Variants in SYTL5 observed in about 807,000 individuals in gnomAD.
The protein encoded by SYTL5 is synaptotagmin like 5.
In SYTL5, 34 loss-of-function variants were observed where a neutral mutation model predicts 55.9. The observed-to-expected ratio is 0.61, with a 90% CI of 0.46 to 0.81. The LOEUF (loss-of-function observed/expected upper bound fraction) is 0.81. Among genes scored for constraint, SYTL5 ranks in the 30% least tolerant of loss-of-function variants. SYTL5 has a pLI of 0.00. For missense variants in SYTL5, 637 were observed against 546.7 expected (o/e 1.17, Z -1.65); for synonymous variants, 221 against 188.7 (o/e 1.17, Z -1.40).
At chrX:38,107,043 G>A (rs751137688) in intron 11 of SYTL5, among the ~76,000 whole-genome samples, 65 of 112,560 alleles carry the variant, frequency 5.8e-4, no homozygotes, top group Non-Finnish European at 9.9e-4. Context: ...ATGCTGACAT[G>A]TTGGCACACC....
At chrX:37,993,678 G>C in the SYTL5 span, among the ~76,000 whole-genome samples, 1 of 112,139 alleles carries the variant, frequency 8.9e-6, no homozygotes, top group Non-Finnish European at 1.9e-5. Context: ...GCAAAATTGG[G>C]AGCAAGGCAG....
chrX:37,937,045 CTCA>C, the SYTL5 span, among the ~76,000 whole-genome samples: 4 of 33,471 alleles, frequency 1.2e-4, no homozygotes, highest in Admixed American at 2.2e-3. Flanking sequence ...GCAAGACTGT[CTCA>C]AAAAAAAAAA....
chrX:37,973,293 T>C, the SYTL5 span, among the ~76,000 whole-genome samples: 1 of 111,113 alleles, frequency 9.0e-6, no homozygotes, highest in South Asian at 3.8e-4. Context: ...GGTAGGAATT[T>C]GGGTAAGAAA....
chrX:38,082,030 A>C (rs1936543246), intron 6 of SYTL5, among the ~76,000 whole-genome samples: 1 of 111,904 alleles, frequency 8.9e-6, no homozygotes, highest in South Asian at 3.8e-4. Flanking sequence ...TCAAAGACGC[A>C]GTTTGTCAGA....
chrX:37,958,512 A>G, the SYTL5 span, among the ~76,000 whole-genome samples: 2 of 111,324 alleles, frequency 1.8e-5, no homozygotes, highest in African/African-American at 6.5e-5. Context: ...GGATTTGGGG[A>G]TTAAGTTTCC....
At chrX:37,904,437 T>C in the SYTL5 span, among the ~76,000 whole-genome samples, 1 of 108,398 alleles carries the variant, frequency 9.2e-6, no homozygotes, top group Non-Finnish European at 1.9e-5. Flanking sequence ...AAAATAGAGG[T>C]AGAAAAACTG....
rs775768200 is a variant in SYTL5, at chrX:38,114,920, A to G, written c.1596+4438A>G. Among the ~76,000 whole-genome samples the G allele has an allele frequency of 3.0e-3, 336 of 111,530 alleles. 1 individual carries two copies. Among genetic ancestry groups the G allele is most frequent in the Non-Finnish European group, 5.1e-3 (269 of 53,131 alleles). ...TTTTAGATTCCACTATTTTAGATTT[A>G]TATCTATTTTAGATATAAGTGAGGT... On this transcript the variant is annotated intron_variant, in intron 13 of 16. Transcript: ENST00000297875.
intron 3 of SYTL5, among the ~76,000 whole-genome samples, chrX:38,064,067 ATGTG>A (rs10593206): frequency 2.3e-4 from 23 of 100,009 alleles, no homozygotes; most frequent in African/African-American, 4.2e-4. Flanking sequence ...ACATATATAT[ATGTG>A]TGTGTGTGTG....
chrX:38,082,822 G>A (rs1233901735), intron 6 of SYTL5, among the ~76,000 whole-genome samples: 1 of 111,844 alleles, frequency 8.9e-6, no homozygotes, highest in Admixed American at 9.5e-5. Flanking sequence ...TAGACATAAA[G>A]TAGACTGTGT....
chrX:37,972,738 C>A, the SYTL5 span, among the ~76,000 whole-genome samples: 1 of 111,657 alleles, frequency 9.0e-6, no homozygotes, highest in Non-Finnish European at 1.9e-5. Context: ...AGACATCAGT[C>A]AAATACATTT....
At chrX:38,100,620 G>GA (rs760172498) in intron 9 of SYTL5, among the ~76,000 whole-genome samples, 4 of 111,136 alleles carry the variant, frequency 3.6e-5, no homozygotes, top group African/African-American at 1.3e-4. Context: ...TGGCAAAAAT[G>GA]AAAAAAATAT....
the SYTL5 span, among the ~76,000 whole-genome samples, chrX:37,926,396 C>A: frequency 3.6e-5 from 4 of 109,617 alleles, no homozygotes; most frequent in Non-Finnish European, 5.7e-5. Flanking sequence ...TACTGGCTGA[C>A]CCCCCTCCCC....
the SYTL5 span, among the ~76,000 whole-genome samples, chrX:37,964,284 C>A: frequency 8.9e-6 from 1 of 111,972 alleles, no homozygotes; most frequent in Non-Finnish European, 1.9e-5. Flanking sequence ...TCTTGAATTT[C>A]TCACCCTCTA....
At chrX:38,120,634 A>G (rs966666629) in intron 14 of SYTL5, among the ~76,000 whole-genome samples, 168 bp downstream of exon 14, 3 of 111,260 alleles carry the variant, frequency 2.7e-5, no homozygotes, top group African/African-American at 6.5e-5. Context: ...TACCGTATAT[A>G]TAGAAGAATG....
intron 10 of SYTL5, chrX:38,102,932 G>T: frequency 1.6e-6 from 1 of 609,194 alleles, no homozygotes; most frequent in South Asian, 2.9e-5. Flanking sequence ...CTGTGTCCTT[G>T]TATCTAACTG....
chrX:38,020,397 A>G (rs1192705976), intron 1 of SYTL5, among the ~76,000 whole-genome samples: 1 of 85,742 alleles, frequency 1.2e-5, no homozygotes, highest in Admixed American at 1.5e-4. Flanking sequence ...TATAATACAT[A>G]TATGTGTGTG....
chrX:38,075,402 C>A (rs1602370631), intron 5 of SYTL5, among the ~76,000 whole-genome samples: 1 of 111,724 alleles, frequency 9.0e-6, no homozygotes, highest in African/African-American at 3.2e-5. Flanking sequence ...AAGAGATATC[C>A]TAAGGTTATA....
chrX:37,978,410 G>A, the SYTL5 span, among the ~76,000 whole-genome samples: 9 of 111,780 alleles, frequency 8.1e-5, no homozygotes, highest in Non-Finnish European at 1.7e-4. Context: ...TGATTGAAAC[G>A]GCTTAGAGCC....
At chrX:38,098,899 C>T (rs1937009481) in intron 9 of SYTL5, among the ~76,000 whole-genome samples, 1 of 109,995 alleles carries the variant, frequency 9.1e-6, no homozygotes, top group Non-Finnish European at 1.9e-5. Flanking sequence ...ATGAAAGAAA[C>T]CAGGCAAAAC....
Sources: gnomAD v4.1 joint callset for allele counts (sites outside exome capture counted in the v4.1 genomes callset) on GRCh38, gnomAD v4.1.1 for gene constraint, MANE v1.5 for transcripts, NCBI Gene and HGNC (gene_info 2026-07-23, HGNC 2026-07-21) for gene names.